XXYLT1: variants seen among roughly 807,000 people sequenced by gnomAD.
XXYLT1 encodes the protein xyloside xylosyltransferase 1, also known as UDP-xylose:alpha-xyloside alpha-1,3-xylosyltransferase.
In XXYLT1, 20 loss-of-function variants were observed where a neutral mutation model predicts 28.9. The ratio of observed to expected loss-of-function variants is 0.69; its 90% CI spans 0.49 to 1.00. XXYLT1 has a LOEUF of 1.00. Ranked by LOEUF, XXYLT1 falls within the 50% of genes least tolerant of loss-of-function variation. The probability of loss-of-function intolerance (pLI) is 0.00; values close to 1 mark genes in which losing one functional copy is unlikely to be tolerated. For synonymous variants in XXYLT1, 257 were observed against 253.8 expected (o/e 1.01, Z -0.12); for missense variants, 542 against 560.1 (o/e 0.97, Z 0.33).
At chr3:195,247,408 T>A (rs1256432134) in intron 1 of XXYLT1, among the ~76,000 whole-genome samples, 3 of 152,180 alleles carry the variant, frequency 2.0e-5, no homozygotes, top group African/African-American at 7.2e-5. Context: ...TTACCATGAG[T>A]AACACCCAAA....
intron 3 of XXYLT1, among the ~76,000 whole-genome samples, chr3:195,149,566 G>T (rs7639698): frequency 0.32 from 47,902 of 152,022 alleles, 8,541 homozygotes; most frequent in East Asian, 0.84. Context: ...GGGAGTGGGG[G>T]CTGCCTCGGG....
At chr3:195,104,780 A>G (rs1020207771) in intron 3 of XXYLT1, among the ~76,000 whole-genome samples, 3 of 152,242 alleles carry the variant, frequency 2.0e-5, no homozygotes, top group Admixed American at 2.0e-4. Context: ...ACAAAATGCT[A>G]CAGGCAAAAA....
At chr3:195,072,144 G>A (rs1367756098) in intron 3 of XXYLT1, among the ~76,000 whole-genome samples, 1 of 152,168 alleles carries the variant, frequency 6.6e-6, no homozygotes, top group Non-Finnish European at 1.5e-5. Context: ...GGGCTGATGA[G>A]GAACGATGGA....
At chr3:195,235,268 C>T (rs1040471843) in intron 1 of XXYLT1, among the ~76,000 whole-genome samples, 38 of 152,102 alleles carry the variant, frequency 2.5e-4, no homozygotes, top group Non-Finnish European at 1.5e-5. Flanking sequence ...CTATTTCATT[C>T]TTCTACTTGA....
chr3:195,210,496 C>G lies in XXYLT1; in HGVS notation c.652+16213G>C, dbSNP rs775585589. On this transcript the variant is annotated intron_variant, in intron 2 of 3. Transcript: ENST00000310380. The surrounding 1 kb of genome is among the most constrained non-coding windows in gnomAD (Gnocchi z 4.8). ...ATAAGAGCCAGCTGATGCCTTTGACCGATAGCCAAGAATTTAAAAGAAGAT... is the reference window on the plus strand; with the variant it reads ...ATAAGAGCCAGCTGATGCCTTTGACGGATAGCCAAGAATTTAAAAGAAGAT... Among the ~76,000 whole-genome samples, 2 of 152,148 alleles carry G rather than the reference C, an allele frequency of 1.3e-5. No individual in the cohort carries two copies. Among genetic ancestry groups the G allele is most frequent in the African/African-American group, 2.4e-5 (1 of 41,438 alleles).
chr3:195,149,656 C>T (rs1270461218), intron 3 of XXYLT1, among the ~76,000 whole-genome samples: 3 of 152,342 alleles, frequency 2.0e-5, no homozygotes, highest in African/African-American at 7.2e-5. Flanking sequence ...TCGTCCCTCC[C>T]CCCATCTTTG....
chr3:195,116,217 C>T (rs1718036252), intron 3 of XXYLT1, among the ~76,000 whole-genome samples: 2 of 152,188 alleles, frequency 1.3e-5, no homozygotes, highest in Non-Finnish European at 2.9e-5. Context: ...GCTGGATCTA[C>T]TGACACATCT....
At chr3:195,148,218 T>G (rs1264703128) in intron 3 of XXYLT1, 1 of 152,194 alleles carries the variant, frequency 6.6e-6, no homozygotes, top group Non-Finnish European at 1.5e-5. Context: ...AACCTCAGAG[T>G]AGACTTCTGA....
At chr3:195,245,989 A>G (rs1577193007) in intron 1 of XXYLT1, among the ~76,000 whole-genome samples, 1 of 152,280 alleles carries the variant, frequency 6.6e-6, no homozygotes, top group East Asian at 1.9e-4. Flanking sequence ...AAAATAAATT[A>G]CACAATCTCG....
intron 3 of XXYLT1, among the ~76,000 whole-genome samples, chr3:195,112,982 A>C (rs939461427): frequency 1.3e-5 from 2 of 152,274 alleles, no homozygotes; most frequent in African/African-American, 4.8e-5. Context: ...CTGGGTTTCA[A>C]CTGCAGCCAT....
At chr3:195,237,389 C>T (rs893518939) in intron 1 of XXYLT1, among the ~76,000 whole-genome samples, 4 of 152,100 alleles carry the variant, frequency 2.6e-5, no homozygotes, top group Admixed American at 1.3e-4. Flanking sequence ...CTCCTTTCCC[C>T]GTCACACAGG....
intron 1 of XXYLT1, among the ~76,000 whole-genome samples, chr3:195,264,978 G>A (rs955837524): frequency 5.9e-5 from 9 of 151,956 alleles, no homozygotes; most frequent in Non-Finnish European, 1.0e-4. Context: ...GATCCCCTAA[G>A]CCCAGGAGTT....
At chr3:195,089,176 C>T (rs1204542682) in intron 3 of XXYLT1, among the ~76,000 whole-genome samples, 191 of 151,248 alleles carry the variant, frequency 1.3e-3, no homozygotes, top group African/African-American at 4.3e-3. Context: ...ATACAGAGAA[C>T]GCCACAAAGA....
At position 195,256,814 on chromosome 3, in the gene XXYLT1, G is replaced by A. The variant is rs1028438242; in HGVS notation, c.504+13741C>T. ...GGACTCTGTCCACCACACTCCAGCT[G>A]AAGTGAGCGCCCAGGGGCAGGTGCA... On this transcript the variant is annotated intron_variant, in intron 1 of 3. Transcript: ENST00000310380. The surrounding 1 kb of genome is among the most constrained non-coding windows in gnomAD (Gnocchi z 4.2). Among the ~76,000 whole-genome samples, 5 of 152,226 alleles carry A rather than the reference G, an allele frequency of 3.3e-5. No homozygotes were observed. Among genetic ancestry groups the A allele is most frequent in the African/African-American group, 1.2e-4 (5 of 41,464 alleles).
chr3:195,252,458 T>C (rs1725294892), intron 1 of XXYLT1, among the ~76,000 whole-genome samples: 1 of 152,198 alleles, frequency 6.6e-6, no homozygotes, highest in African/African-American at 2.4e-5. Context: ...ATTAAAATTT[T>C]TTAACATCTA....
At chr3:195,267,494 C>T (rs1725880403) in intron 1 of XXYLT1, among the ~76,000 whole-genome samples, 1 of 152,212 alleles carries the variant, frequency 6.6e-6, no homozygotes, top group African/African-American at 2.4e-5. Context: ...CCTTCCAGCT[C>T]TGGCACAGCC....
At chr3:195,088,492 A>C (rs1012845186) in intron 3 of XXYLT1, among the ~76,000 whole-genome samples, 5 of 138,868 alleles carry the variant, frequency 3.6e-5, no homozygotes, top group Admixed American at 7.5e-5. Context: ...AAACTAACAA[A>C]CAGAAAGGAC....
In XXYLT1 at chr3:195,173,776, G is replaced by A. The variant is rs910545378; in HGVS notation, c.653-17195C>T. Among the ~76,000 whole-genome samples, 5 of 152,282 alleles carry A rather than the reference G, an allele frequency of 3.3e-5. No individual in the cohort carries two copies. Among genetic ancestry groups the A allele is most frequent in the South Asian group, 2.1e-4 (1 of 4,822 alleles). On this transcript the variant is annotated intron_variant, in intron 2 of 3. Transcript: ENST00000310380. This position sits in a 1 kb window ranked among gnomAD's most constrained non-coding sequence, Gnocchi z 4.3. ...TTTGCATCTCAGGCCATCCCGCACCGGCTCGCTGTCCAGGAGAGCACCCAG... is the reference window on the plus strand; with the variant it reads ...TTTGCATCTCAGGCCATCCCGCACCAGCTCGCTGTCCAGGAGAGCACCCAG...
At chr3:195,072,466 G>T (rs144459418) in intron 3 of XXYLT1, among the ~76,000 whole-genome samples, 2 of 152,182 alleles carry the variant, frequency 1.3e-5, no homozygotes, top group Admixed American at 1.3e-4. Flanking sequence ...CACTGAGCTC[G>T]CTGGGCTCAG....
Sources: allele counts gnomAD v4.1 joint callset (sites outside exome capture counted in the v4.1 genomes callset), GRCh38; gene constraint gnomAD v4.1.1; non-coding constraint Gnocchi (gnomAD v3.1); transcripts MANE v1.5; gene names NCBI Gene and HGNC (gene_info 2026-07-23, HGNC 2026-07-21).